TFCP2: variants seen among roughly 807,000 people sequenced by gnomAD.
TFCP2 encodes transcription factor CP2, also known as alpha-globin transcription factor CP2.
TFCP2 carries 33 observed loss-of-function variants against 73.4 expected under a neutral mutation model. The ratio of observed to expected loss-of-function variants is 0.45; its 90% confidence interval spans 0.34 to 0.60. The LOEUF (loss-of-function observed/expected upper bound fraction) is 0.60. TFCP2 is among the 20% of genes least tolerant of loss of function. The probability of loss-of-function intolerance (pLI) is 0.01; values close to 1 mark genes in which losing one functional copy is unlikely to be tolerated. For missense variants in TFCP2, 352 were observed against 604.0 expected, an observed-to-expected ratio of 0.58 and a Z score of 4.37; for synonymous variants, 193 against 211.6, an observed-to-expected ratio of 0.91 and a Z score of 0.76.
intron 1 of TFCP2, among the ~76,000 whole-genome samples, chr12:51,130,344 C>T (rs975169220): frequency 9.2e-5 from 14 of 151,838 alleles, no homozygotes; most frequent in Non-Finnish European, 1.6e-4. Flanking sequence ...TAGTGGTGTG[C>T]GTCTGTGATC....
At chr12:51,118,872 A>G in intron 1 of TFCP2, 100 bp from the exon 2 acceptor site, 1 of 1,347,544 alleles carries the variant, frequency 7.4e-7, no homozygotes, top group Non-Finnish European at 1.0e-6. Context: ...AGCCATAAAC[A>G]TTACTCACCT....
intron 1 of TFCP2, among the ~76,000 whole-genome samples, chr12:51,119,825 G>A (rs12582592): frequency 0.15 from 22,272 of 151,924 alleles, 2,069 homozygotes; most frequent in East Asian, 0.5. Flanking sequence ...CCACCCATTG[G>A]TACTTATCCA....
At chr12:51,109,377 T>C (rs1391459220) in intron 5 of TFCP2, 104 bp from the exon 6 acceptor site, 8 of 1,151,070 alleles carry the variant, frequency 7.0e-6, no homozygotes, top group African/African-American at 1.5e-5. Flanking sequence ...CCAGGCATTA[T>C]GAATACCTAC....
At chr12:51,157,686 CT>C (rs538061913) in intron 1 of TFCP2, among the ~76,000 whole-genome samples, 5,078 of 95,996 alleles carry the variant, frequency 0.053, 206 homozygotes, top group East Asian at 0.18. Context: ...CTTTTCTTTT[CT>C]TTTTTTTTTT....
chr12:51,103,272 G>A (rs1940154546), intron 10 of TFCP2, among the ~76,000 whole-genome samples: 1 of 151,938 alleles, frequency 6.6e-6, no homozygotes, highest in African/African-American at 2.4e-5. Context: ...GACAGAGTGA[G>A]ATTCCATCTC....
chr12:51,107,187 A>T, intron 7 of TFCP2, 49 bp downstream of exon 7: 2 of 1,468,526 alleles, frequency 1.4e-6, no homozygotes, highest in Non-Finnish European at 1.9e-6. Context: ...ATGAATTTTT[A>T]AGATTAAAAA....
chr12:51,153,749 A>G (rs897909494), intron 1 of TFCP2, among the ~76,000 whole-genome samples: 4 of 152,204 alleles, frequency 2.6e-5, no homozygotes, highest in African/African-American at 9.6e-5. Context: ...TCAAGCCTGA[A>G]TAATATTCCA....
intron 6 of TFCP2, 107 bp downstream of exon 6, chr12:51,109,014 T>C: frequency 8.0e-7 from 1 of 1,251,516 alleles, no homozygotes; most frequent in East Asian, 2.3e-5. Context: ...TTTGCGTGTG[T>C]GTGAGTTTTC....
At chr12:51,098,392 G>A (rs913483419) in intron 13 of TFCP2, among the ~76,000 whole-genome samples, 1 of 152,102 alleles carries the variant, frequency 6.6e-6, no homozygotes, top group African/African-American at 2.4e-5. Flanking sequence ...TTGGGAGGCC[G>A]AGGCGGGTGG....
intron 1 of TFCP2, among the ~76,000 whole-genome samples, chr12:51,156,255 T>C (rs991238528): frequency 6.6e-6 from 1 of 152,002 alleles, no homozygotes; most frequent in Non-Finnish European, 1.5e-5. Flanking sequence ...GGTGCCAGTA[T>C]CTGCTTCTGA....
chr12:51,132,320 G>T (rs1168453934), intron 1 of TFCP2, among the ~76,000 whole-genome samples: 4 of 134,738 alleles, frequency 3.0e-5, no homozygotes. Flanking sequence ...GAATGTGGAA[G>T]AATTAGCAGT....
intron 1 of TFCP2, chr12:51,124,693 C>T: frequency 1.5e-6 from 1 of 660,008 alleles, no homozygotes. Flanking sequence ...CCCGCGGTGG[C>T]CAGTGAGTTG....
chr12:51,156,428 C>G (rs1280629752), intron 1 of TFCP2, among the ~76,000 whole-genome samples: 1 of 152,104 alleles, frequency 6.6e-6, no homozygotes, highest in Non-Finnish European at 1.5e-5. Context: ...AGGGACCACA[C>G]CAAGCCATTC....
At chr12:51,159,178 CAAAA>C (rs139446881) in intron 1 of TFCP2, among the ~76,000 whole-genome samples, 1 of 120,534 alleles carries the variant, frequency 8.3e-6, no homozygotes, top group Non-Finnish European at 1.7e-5. Flanking sequence ...GACTCTGTCT[CAAAA>C]AAAAAAGAAA....
intron 11 of TFCP2, among the ~76,000 whole-genome samples, chr12:51,101,593 C>T (rs1331448806): frequency 1.3e-5 from 2 of 152,248 alleles, no homozygotes; most frequent in East Asian, 3.9e-4. Flanking sequence ...TATTATCTTA[C>T]TCCCCATTAG....
chr12:51,109,421 A>C (rs1940338677), intron 5 of TFCP2, 148 bp from the exon 6 acceptor site: 1 of 732,482 alleles, frequency 1.4e-6, no homozygotes, highest in Middle Eastern at 2.9e-4. Flanking sequence ...ATCTTGAAGA[A>C]CTTACAATCT....
intron 1 of TFCP2, among the ~76,000 whole-genome samples, chr12:51,121,937 C>T (rs893314680): frequency 3.9e-5 from 6 of 152,138 alleles, no homozygotes; most frequent in African/African-American, 1.4e-4. Context: ...TACACATTTT[C>T]CCCAATACAT....
chr12:51,149,024 CAAAAA>C (rs60318954), intron 1 of TFCP2, among the ~76,000 whole-genome samples: 2 of 38,016 alleles, frequency 5.3e-5, no homozygotes, highest in Admixed American at 4.0e-4. Context: ...GACTCCATCT[CAAAAA>C]AAAAAAAAAA....
intron 1 of TFCP2, among the ~76,000 whole-genome samples, chr12:51,145,326 G>A (rs1941273179): frequency 6.6e-6 from 1 of 151,288 alleles, no homozygotes; most frequent in African/African-American, 2.4e-5. Context: ...AAGTTGCAGT[G>A]AGCTGAGATC....
Sources: gnomAD v4.1 joint callset for allele counts (sites outside exome capture counted in the v4.1 genomes callset) on GRCh38, gnomAD v4.1.1 for gene constraint, MANE v1.5 for transcripts, NCBI Gene and HGNC (gene_info 2026-07-23, HGNC 2026-07-21) for gene names.